The following GAS2 variants were observed in gnomAD, a reference collection of about 807,000 sequenced individuals.
The protein encoded by GAS2 is growth arrest-specific protein 2.
A neutral mutation model predicts 37.5 loss-of-function variants in GAS2; 20 were observed. The ratio of observed to expected loss-of-function variants is 0.53; its 90% CI spans 0.37 to 0.77. The LOEUF is 0.77. GAS2 is among the 30% of genes least tolerant of loss of function. The pLI is 0.00. For missense variants in GAS2, 336 were observed against 373.4 expected (o/e 0.90, Z 0.82); for synonymous variants, 144 against 132.2 (o/e 1.09, Z -0.61).
At chr11:22,706,982 T>C (rs12049850) in intron 3 of GAS2, among the ~76,000 whole-genome samples, 5,315 of 151,816 alleles carry the variant, frequency 0.035, 287 homozygotes, top group African/African-American at 0.11. Flanking sequence ...TTCTCCACAT[T>C]CTCTCCAGCA....
At chr11:22,648,453 C>T (rs1380587134) in intron 1 of GAS2, among the ~76,000 whole-genome samples, 1 of 152,122 alleles carries the variant, frequency 6.6e-6, no homozygotes, top group Non-Finnish European at 1.5e-5. Context: ...TTTTCCAATT[C>T]TGTGAAGAAA....
At position 22,812,050 on chromosome 11, in the gene GAS2, T is replaced by G; in HGVS notation, c.*34T>G. The stretch of plus-strand genomic sequence containing the variant: ...GGTCATGACAAGGGGACCCTCATAA[T>G]GGCCTGTATCCACTTCTCCAGTATA... On this transcript the variant is annotated 3_prime_UTR_variant, in exon 8 of 8. Transcript: ENST00000454584. The G allele has an allele frequency of 6.7e-7, 1 of 1,482,072 alleles. No homozygotes were observed. Among genetic ancestry groups the G allele is most frequent in the Non-Finnish European group, 9.4e-7 (1 of 1,060,128 alleles). The allele number at this position is 1,482,072 out of a possible 1,614,324, so 91.8% of individuals were successfully genotyped here. A position where few individuals can be genotyped will look rare whatever the true frequency, so the allele number is the denominator to read the frequency against.
chr11:22,695,347 C>T (rs947657712), intron 3 of GAS2, among the ~76,000 whole-genome samples: 2 of 151,916 alleles, frequency 1.3e-5, no homozygotes, highest in African/African-American at 4.8e-5. Context: ...ACTCTTTATT[C>T]TGTGGCTAGC....
At chr11:22,636,440 C>T (rs1414793294) in intron 1 of GAS2, among the ~76,000 whole-genome samples, 1 of 152,140 alleles carries the variant, frequency 6.6e-6, no homozygotes, top group African/African-American at 2.4e-5. Flanking sequence ...AATATGAATT[C>T]TACCACTTAC....
intron 1 of GAS2, among the ~76,000 whole-genome samples, chr11:22,629,089 G>T (rs1208378876): frequency 1.3e-5 from 2 of 151,784 alleles, no homozygotes; most frequent in Non-Finnish European, 1.5e-5. Flanking sequence ...CCCTTATGTT[G>T]GTTCCGTATC....
upstream of GAS2, among the ~76,000 whole-genome samples, chr11:22,665,004 C>A (rs1471286053): frequency 1.3e-5 from 2 of 150,266 alleles, no homozygotes. Context: ...AAATTTAAGA[C>A]AAAAAAAAAA....
intron 3 of GAS2, among the ~76,000 whole-genome samples, chr11:22,705,185 G>A (rs1851051199): frequency 6.6e-6 from 1 of 152,052 alleles, no homozygotes. Flanking sequence ...CTCATTTATT[G>A]TAACTTTTCC....
chr11:22,656,434 A>T (rs1345586889), intron 1 of GAS2, among the ~76,000 whole-genome samples: 1 of 152,248 alleles, frequency 6.6e-6, no homozygotes, highest in Non-Finnish European at 1.5e-5. Flanking sequence ...TAAGAAAAGA[A>T]AAAATAGTAC....
At chr11:22,674,080 G>C (rs576710059) in intron 1 of GAS2, among the ~76,000 whole-genome samples, 1 of 152,278 alleles carries the variant, frequency 6.6e-6, no homozygotes, top group South Asian at 2.1e-4. Flanking sequence ...TGGGTTCTTG[G>C]CTATTCCATT....
At chr11:22,656,573 C>T (rs1040848608) in intron 1 of GAS2, among the ~76,000 whole-genome samples, 1 of 152,136 alleles carries the variant, frequency 6.6e-6, no homozygotes, top group Non-Finnish European at 1.5e-5. Context: ...TTAAAAGCAT[C>T]TAGAAGTAAA....
At chr11:22,709,220 AC>A (rs56160828) in intron 3 of GAS2, among the ~76,000 whole-genome samples, 90,970 of 149,766 alleles carry the variant, frequency 0.61, 32,389 homozygotes, top group Non-Finnish European at 0.79. Context: ...AAAAAAAAAA[AC>A]CACAGAAGAC....
chr11:22,667,337 G>C (rs984255344), intron 1 of GAS2: 1 of 152,210 alleles, frequency 6.6e-6, no homozygotes, highest in Non-Finnish European at 1.5e-5. Context: ...GGTGGGGTGG[G>C]ATAGAGCCAG....
chr11:22,725,905 T>C (rs1479987850), intron 3 of GAS2, among the ~76,000 whole-genome samples: 1 of 152,176 alleles, frequency 6.6e-6, no homozygotes, highest in African/African-American at 2.4e-5. Context: ...CATATTCATA[T>C]ATTTGTATTT....
chr11:22,795,307 A>G (rs908639354), intron 7 of GAS2, among the ~76,000 whole-genome samples: 2 of 152,156 alleles, frequency 1.3e-5, no homozygotes, highest in African/African-American at 4.8e-5. Context: ...GGGAGGGATT[A>G]GACTGTACCA....
At chr11:22,654,746 C>A (rs2133838020) in intron 1 of GAS2, among the ~76,000 whole-genome samples, 1 of 152,110 alleles carries the variant, frequency 6.6e-6, no homozygotes, top group South Asian at 2.1e-4. Flanking sequence ...GTCCAAATGA[C>A]AATGAATAAT....
At chr11:22,691,765 G>C (rs1171968373) in intron 3 of GAS2, among the ~76,000 whole-genome samples, 2 of 152,024 alleles carry the variant, frequency 1.3e-5, no homozygotes, top group African/African-American at 4.8e-5. Flanking sequence ...CACTTCCTCA[G>C]GATTTGTAAA....
upstream of GAS2, among the ~76,000 whole-genome samples, chr11:22,663,441 A>T (rs1031334185): frequency 1.3e-5 from 2 of 152,142 alleles, no homozygotes; most frequent in African/African-American, 2.4e-5. Context: ...ATAAATGAAT[A>T]AAAGTAGATA....
At chr11:22,776,765 C>G (rs879622042) in intron 7 of GAS2, among the ~76,000 whole-genome samples, 2 of 152,138 alleles carry the variant, frequency 1.3e-5, no homozygotes, top group African/African-American at 4.8e-5. Flanking sequence ...TTCCAGCCTT[C>G]TTTAATTCAT....
intron 1 of GAS2, among the ~76,000 whole-genome samples, chr11:22,652,544 C>T (rs1225955667): frequency 6.6e-6 from 1 of 152,226 alleles, no homozygotes; most frequent in African/African-American, 2.4e-5. Context: ...GCAGTTTGAT[C>T]TCAGACTGCT....
Sources: allele counts gnomAD v4.1 joint callset (sites outside exome capture counted in the v4.1 genomes callset), GRCh38; gene constraint gnomAD v4.1.1; transcripts MANE v1.5; gene names NCBI Gene and HGNC (gene_info 2026-07-23, HGNC 2026-07-21).